The following PCNX2 variants were observed in gnomAD, a reference collection of about 807,000 sequenced individuals.
PCNX2 encodes the protein pecanex-like protein 2.
In PCNX2, 168 loss-of-function variants were observed where a neutral mutation model predicts 223.8. The ratio of observed to expected loss-of-function variants is 0.75; its 90% confidence interval spans 0.66 to 0.85. The LOEUF is 0.85. Ranked by LOEUF, PCNX2 falls within the 40% of genes least tolerant of loss-of-function variation. The pLI, the probability that PCNX2 is intolerant of heterozygous loss-of-function variation, is 0.00. For synonymous variants in PCNX2, 1,006 were observed against 1,052.6 expected, an observed-to-expected ratio of 0.96 and a Z score of 0.86; for missense variants, 2,507 against 2,675.5, an observed-to-expected ratio of 0.94 and a Z score of 1.39.
chr1:233,063,343 A>T lies in PCNX2; in HGVS notation c.4077-6053T>A, dbSNP rs911801452. Among the ~76,000 whole-genome samples, 6 of 152,312 alleles carry T rather than the reference A, an allele frequency of 3.9e-5. 1 individual carries two copies. The highest frequency in any genetic ancestry group is 1.2e-4 in the African/African-American group (5 of 41,578). On this transcript the variant is annotated intron_variant, in intron 23 of 33. Transcript: ENST00000258229. ...AAAATATACACATTTGATGAGAATG[A>T]TTGTTTTAAAAAAGGGAAAAAAGGT...
rs531550130 is a variant in PCNX2 at position 233,284,608 on chromosome 1, G to A, written c.153+10718C>T. On this transcript the variant is annotated intron_variant, in intron 1 of 33. Transcript: ENST00000258229. ...GCCTGTTTATCTGTTAACTGCATGG[G>A]AGAAGACATCAATCCATCTTGTTCT... 7.2e-5 allele frequency among the ~76,000 whole-genome samples: 11 copies of A among 152,232 alleles called. No homozygotes were observed. In the South Asian group the frequency reaches 2.1e-3, roughly 29 times the overall value.
At chr1:233,080,998 A>C (rs1331483729) in intron 23 of PCNX2, among the ~76,000 whole-genome samples, 1 of 152,160 alleles carries the variant, frequency 6.6e-6, no homozygotes, top group African/African-American at 2.4e-5. Flanking sequence ...CACCCTAGAA[A>C]ATCAAGGGCA....
At chr1:233,158,414 A>G (rs569911954) in intron 19 of PCNX2, among the ~76,000 whole-genome samples, 1 of 152,294 alleles carries the variant, frequency 6.6e-6, no homozygotes, top group African/African-American at 2.4e-5. Context: ...GTACAGGTAA[A>G]GGTAAAAGTA....
intron 25 of PCNX2, among the ~76,000 whole-genome samples, chr1:233,053,605 A>C (rs1271631096): frequency 6.6e-6 from 1 of 152,216 alleles, no homozygotes; most frequent in Non-Finnish European, 1.5e-5. Flanking sequence ...GGAGATGTTC[A>C]GAAAACATGC....
intron 20 of PCNX2, among the ~76,000 whole-genome samples, chr1:233,137,812 G>A (rs997628446): frequency 1.3e-5 from 2 of 152,096 alleles, no homozygotes; most frequent in African/African-American, 4.8e-5. Context: ...CCAGTTCACC[G>A]ACTCATTAAT....
At chr1:233,082,969 G>A (rs972174255) in intron 23 of PCNX2, among the ~76,000 whole-genome samples, 1 of 152,172 alleles carries the variant, frequency 6.6e-6, no homozygotes, top group Non-Finnish European at 1.5e-5. Flanking sequence ...AAACCAGTAA[G>A]AGGAGAGTTG....
At chr1:233,148,183 A>G (rs1677575163) in intron 19 of PCNX2, among the ~76,000 whole-genome samples, 1 of 152,236 alleles carries the variant, frequency 6.6e-6, no homozygotes, top group South Asian at 2.1e-4. Flanking sequence ...AGCACACACC[A>G]GCAAGCGGGA....
chr1:233,084,587 G>A (rs1191403530), intron 23 of PCNX2, among the ~76,000 whole-genome samples: 1 of 152,122 alleles, frequency 6.6e-6, no homozygotes, highest in Non-Finnish European at 1.5e-5. Context: ...CAAAATCTCT[G>A]TTAATGGGAG....
chr1:233,165,976 C>T (rs1009802393), intron 17 of PCNX2, among the ~76,000 whole-genome samples: 1 of 151,982 alleles, frequency 6.6e-6, no homozygotes, highest in Non-Finnish European at 1.5e-5. Context: ...TTACAAAGCA[C>T]AGTAACTATG....
At chr1:233,028,851 T>TG in intron 25 of PCNX2, among the ~76,000 whole-genome samples, 1 of 150,596 alleles carries the variant, frequency 6.6e-6, no homozygotes, top group East Asian at 1.9e-4. Flanking sequence ...TTTTTTTTTT[T>TG]TTTTTGAGAT....
At chr1:233,167,197 A>T (rs554000741) in intron 17 of PCNX2, among the ~76,000 whole-genome samples, 1 of 152,208 alleles carries the variant, frequency 6.6e-6, no homozygotes, top group Non-Finnish European at 1.5e-5. Context: ...ATGTAAATGG[A>T]ATATTTTTCA....
At chr1:233,156,950 A>C (rs1044489319) in intron 19 of PCNX2, among the ~76,000 whole-genome samples, 5 of 152,024 alleles carry the variant, frequency 3.3e-5, no homozygotes, top group Non-Finnish European at 7.4e-5. Context: ...AAAAACGCAG[A>C]GACTTGAAGC....
At position 233,017,601 on chromosome 1, in the gene PCNX2, C is replaced by A. The variant is rs868452967; in HGVS notation, c.4606-447G>T. On this transcript the variant is annotated intron_variant, in intron 26 of 33. Coordinates refer to ENST00000258229, the MANE Select transcript of PCNX2 (RefSeq NM_014801.4). Reference sequence around the variant, plus strand: ...AAAGTGCTGGGATTACAGGCATGAGCCACCATGCCTGGCCTAAAACGTCCT... The same window carrying A: ...AAAGTGCTGGGATTACAGGCATGAGACACCATGCCTGGCCTAAAACGTCCT... 2.2e-4 allele frequency among the ~76,000 whole-genome samples: 34 copies of A among 152,132 alleles called. 1 individual carries two copies. The Middle Eastern group carries it at 0.01, about 46-fold the overall frequency.
chr1:232,996,710 C>T (rs939883066), intron 32 of PCNX2, among the ~76,000 whole-genome samples: 4 of 152,166 alleles, frequency 2.6e-5, no homozygotes, highest in African/African-American at 9.7e-5. Context: ...AAAAGTCAAG[C>T]CTGGGAACTG....
chr1:233,316,866 A>G, the PCNX2 span, among the ~76,000 whole-genome samples: 2 of 152,204 alleles, frequency 1.3e-5, no homozygotes, highest in Non-Finnish European at 2.9e-5. Context: ...AACATACTAC[A>G]TAATTTACTT....
At chr1:233,307,853 G>A in the PCNX2 span, among the ~76,000 whole-genome samples, 1 of 152,166 alleles carries the variant, frequency 6.6e-6, no homozygotes, top group East Asian at 1.9e-4. Flanking sequence ...CAGAGCCCAC[G>A]CTCCAGAGCT....
At chr1:233,308,771 A>G in the PCNX2 span, among the ~76,000 whole-genome samples, 1 of 152,198 alleles carries the variant, frequency 6.6e-6, no homozygotes, top group Non-Finnish European at 1.5e-5. Flanking sequence ...ATCCTTCCAA[A>G]TTTTCAGAAG....
chr1:233,165,836 C>T (rs1446259575), intron 17 of PCNX2, among the ~76,000 whole-genome samples: 1 of 151,996 alleles, frequency 6.6e-6, no homozygotes, highest in Non-Finnish European at 1.5e-5. Flanking sequence ...AAAATTCTAG[C>T]AGAATTTTTT....
intron 17 of PCNX2, among the ~76,000 whole-genome samples, chr1:233,173,386 G>C (rs902579354): frequency 1.3e-5 from 2 of 152,052 alleles, no homozygotes; most frequent in Non-Finnish European, 2.9e-5. Context: ...GGCTGGTTTC[G>C]AACTCCTGAC....
Sources: allele counts gnomAD v4.1 joint callset (sites outside exome capture counted in the v4.1 genomes callset), GRCh38; gene constraint gnomAD v4.1.1; transcripts MANE v1.5; gene names NCBI Gene and HGNC (gene_info 2026-07-23, HGNC 2026-07-21).